DSCAM: variants seen among roughly 807,000 people sequenced by gnomAD.
The protein encoded by DSCAM is DS cell adhesion molecule.
In DSCAM, 47 loss-of-function variants were observed where a neutral mutation model predicts 217.7. That is an observed-to-expected ratio of 0.22 (90% confidence interval 0.17 to 0.28). The LOEUF is 0.28. Among genes scored for constraint, DSCAM ranks in the 10% least tolerant of loss-of-function variants. The pLI, the probability that DSCAM is intolerant of heterozygous loss-of-function variation, is 1.00. For synonymous variants in DSCAM, 1,056 were observed against 1,015.3 expected, an observed-to-expected ratio of 1.04 and a Z score of -0.76; for missense variants, 2,080 against 2,618.3, an observed-to-expected ratio of 0.79 and a Z score of 4.49.
intron 3 of DSCAM, chr21:40,384,490 C>T (rs144579990): frequency 0.017 from 2,640 of 152,798 alleles, 63 homozygotes; most frequent in African/African-American, 0.06. Flanking sequence ...GCCTGTAATC[C>T]CAGCTACTCG....
chr21:40,602,383 T>C (rs1452056903), intron 3 of DSCAM, among the ~76,000 whole-genome samples: 2 of 152,174 alleles, frequency 1.3e-5, no homozygotes, highest in Non-Finnish European at 2.9e-5. Context: ...TAGGAAGAGA[T>C]TGCAAAGAAT....
chr21:40,582,159 A>G (rs2076910578), intron 3 of DSCAM, among the ~76,000 whole-genome samples: 2 of 152,222 alleles, frequency 1.3e-5, no homozygotes, highest in South Asian at 2.1e-4. Context: ...TGTGTATAAT[A>G]AAACTCTATA....
chr21:40,305,964 T>A (rs1294841519), intron 9 of DSCAM, among the ~76,000 whole-genome samples: 2 of 152,122 alleles, frequency 1.3e-5, no homozygotes, highest in Non-Finnish European at 2.9e-5. Context: ...AGTAGTTTTT[T>A]CCAATTCTGT....
At chr21:40,052,396 T>C (rs2088948066) in intron 29 of DSCAM, among the ~76,000 whole-genome samples, 1 of 152,206 alleles carries the variant, frequency 6.6e-6, no homozygotes, top group Non-Finnish European at 1.5e-5. Flanking sequence ...GGCTTTTCAT[T>C]AAGCTAACAT....
chr21:40,160,935 T>C (rs981230067), intron 16 of DSCAM, among the ~76,000 whole-genome samples: 3 of 152,242 alleles, frequency 2.0e-5, no homozygotes, highest in Admixed American at 6.5e-5. Context: ...AAGTTCAATT[T>C]GTGTCCTGTC....
chr21:40,581,369 C>G (rs13046868), intron 3 of DSCAM, among the ~76,000 whole-genome samples: 1 of 152,140 alleles, frequency 6.6e-6, no homozygotes, highest in Non-Finnish European at 1.5e-5. Flanking sequence ...TAAATCTTAT[C>G]TCTGAAACTG....
At chr21:40,460,436 G>T (rs141974179) in intron 3 of DSCAM, among the ~76,000 whole-genome samples, 1 of 152,094 alleles carries the variant, frequency 6.6e-6, no homozygotes, top group Non-Finnish European at 1.5e-5. Context: ...AGATAGCAAA[G>T]ATCTGAGTAT....
intron 1 of DSCAM, among the ~76,000 whole-genome samples, chr21:40,834,409 A>AAAT (rs1161619053): frequency 1.5e-5 from 2 of 130,854 alleles, no homozygotes; most frequent in African/African-American, 2.9e-5. Context: ...TCTGTCTCCA[A>AAAT]AATAATAATA....
chr21:40,770,203 C>T (rs2091432263), intron 1 of DSCAM, among the ~76,000 whole-genome samples: 1 of 152,120 alleles, frequency 6.6e-6, no homozygotes, highest in Non-Finnish European at 1.5e-5. Flanking sequence ...CTAGACAAAA[C>T]AAAAAGTAGA....
chr21:40,615,643 A>G (rs1305418927), intron 3 of DSCAM, among the ~76,000 whole-genome samples: 1 of 152,116 alleles, frequency 6.6e-6, no homozygotes, highest in African/African-American at 2.4e-5. Context: ...AGCTGCATTC[A>G]TTTCAAACCT....
intron 20 of DSCAM, among the ~76,000 whole-genome samples, chr21:40,111,089 G>A (rs1001569688): frequency 6.6e-5 from 10 of 152,140 alleles, no homozygotes; most frequent in Non-Finnish European, 1.2e-4. Context: ...TCCTTGAGAA[G>A]AGCAACTCCA....
intron 3 of DSCAM, among the ~76,000 whole-genome samples, chr21:40,663,444 G>A (rs1253298017): frequency 6.6e-5 from 10 of 151,932 alleles, no homozygotes; most frequent in African/African-American, 2.4e-5. Flanking sequence ...TCCTCCCACC[G>A]CTTCAACACT....
chr21:40,562,243 T>C (rs1326595079), intron 3 of DSCAM, among the ~76,000 whole-genome samples: 2 of 152,202 alleles, frequency 1.3e-5, no homozygotes, highest in Admixed American at 6.5e-5. Context: ...GTTCTCATGA[T>C]AGTGAGTGAA....
intron 3 of DSCAM, among the ~76,000 whole-genome samples, chr21:40,453,823 A>G (rs2075741645): frequency 6.6e-6 from 1 of 152,256 alleles, no homozygotes; most frequent in South Asian, 2.1e-4. Flanking sequence ...CAGGAGATGA[A>G]CTAATTAGTC....
chr21:40,169,628 A>T (rs2090634233), intron 15 of DSCAM, among the ~76,000 whole-genome samples: 1 of 152,194 alleles, frequency 6.6e-6, no homozygotes, highest in Non-Finnish European at 1.5e-5. Flanking sequence ...ATTCTCCAGC[A>T]TATGTGGTTT....
intron 3 of DSCAM, among the ~76,000 whole-genome samples, chr21:40,632,165 G>C (rs1307720883): frequency 6.6e-6 from 1 of 152,152 alleles, no homozygotes; most frequent in Admixed American, 6.5e-5. Context: ...GCTGACCCCA[G>C]TGCTCAGGGG....
chr21:40,845,712 T>C (rs1264348272), intron 1 of DSCAM, among the ~76,000 whole-genome samples: 1 of 152,064 alleles, frequency 6.6e-6, no homozygotes. Flanking sequence ...GTTCCAAAAT[T>C]TGAAATGGGA....
At chr21:40,201,052 C>T (rs1004509313) in intron 11 of DSCAM, among the ~76,000 whole-genome samples, 28 of 152,206 alleles carry the variant, frequency 1.8e-4, no homozygotes, top group African/African-American at 6.8e-4. Flanking sequence ...ATTATGCTTA[C>T]ATAATGAAGT....
intron 1 of DSCAM, among the ~76,000 whole-genome samples, chr21:40,782,316 C>T (rs2091554276): frequency 6.6e-6 from 1 of 152,216 alleles, no homozygotes; most frequent in Non-Finnish European, 1.5e-5. Flanking sequence ...CCTTTCTTAA[C>T]TTCTATTTTA....
Sources: gnomAD v4.1 joint callset for allele counts (sites outside exome capture counted in the v4.1 genomes callset) on GRCh38, gnomAD v4.1.1 for gene constraint, MANE v1.5 for transcripts, NCBI Gene and HGNC (gene_info 2026-07-23, HGNC 2026-07-21) for gene names.